Variants in CEP112 observed in about 807,000 individuals in gnomAD.
The protein encoded by CEP112 is centrosomal protein 112, also known as centrosomal protein of 112 kDa.
CEP112 carries 127 observed loss-of-function variants against 153.0 expected under a neutral mutation model. The ratio of observed to expected loss-of-function variants is 0.83; its 90% CI spans 0.72 to 0.96. The LOEUF is 0.96. Ranked by LOEUF, CEP112 falls within the 40% of genes least tolerant of loss-of-function variation. CEP112 has a pLI of 0.00. For missense variants in CEP112, 1,089 were observed against 1,101.2 expected (o/e 0.99, Z 0.16); for synonymous variants, 358 against 374.4 (o/e 0.96, Z 0.51).
rs2068449249 is a variant in CEP112, at chr17:66,098,832, AC to A, written c.643-2201del. 2.0e-5 allele frequency among the ~76,000 whole-genome samples: 3 copies of A among 152,248 alleles called. No homozygotes were observed. The South Asian group carries it at 6.2e-4, about 31-fold the overall frequency. On this transcript the variant is annotated intron_variant, in intron 6 of 26. Transcript: ENST00000535342. ...AAAGGGAATACAAATCCCTGGATTA[AC>A]ATGTAGGTGGCCAAATAAAGATACC... is the stretch of plus-strand genomic sequence containing the variant.
intron 24 of CEP112, among the ~76,000 whole-genome samples, chr17:65,651,774 CACTACAA>C (rs1262351530): frequency 6.6e-6 from 1 of 152,044 alleles, no homozygotes; most frequent in Non-Finnish European, 1.5e-5. Context: ...GGTCTCAGCT[CACTACAA>C]ACTCCACCTC....
chr17:65,967,860 T>C (rs2062470684), intron 17 of CEP112, among the ~76,000 whole-genome samples: 2 of 132,962 alleles, frequency 1.5e-5, no homozygotes, highest in Non-Finnish European at 3.2e-5. Context: ...ACTAACAAAA[T>C]ATTGAGAAAA....
chr17:66,038,845 A>G (rs925121302), intron 12 of CEP112, among the ~76,000 whole-genome samples: 1 of 152,202 alleles, frequency 6.6e-6, no homozygotes, highest in African/African-American at 2.4e-5. Flanking sequence ...ATTCTTAATC[A>G]TGGGAAAATT....
At chr17:65,882,562 T>C (rs182218442) in intron 20 of CEP112, among the ~76,000 whole-genome samples, 5 of 152,342 alleles carry the variant, frequency 3.3e-5, no homozygotes, top group African/African-American at 1.2e-4. Context: ...TAGTTCAATG[T>C]ATTGATTTGT....
chr17:66,085,975 G>A lies in CEP112; in HGVS notation c.768+10276C>T, dbSNP rs1414971972. Among the ~76,000 whole-genome samples the A allele has an allele frequency of 1.6e-4, 10 of 62,230 alleles. No homozygotes were observed. In the South Asian group the frequency reaches 7.7e-3, roughly 48 times the overall value. 40.8% of individuals were successfully genotyped at this position (62,230 alleles called of 152,430 possible). ...CTGGGTGACGACAGAGCGAGACTCC[G>A]TCTCAAAAAAAAAAAAAAAAAAGCA... is the stretch of plus-strand genomic sequence containing the variant. On this transcript the variant is annotated intron_variant, in intron 8 of 26. Coordinates refer to ENST00000535342, the MANE Select transcript of CEP112 (RefSeq NM_001199165.4).
chr17:65,793,784 T>C (rs185325291), intron 21 of CEP112, among the ~76,000 whole-genome samples: 4 of 152,302 alleles, frequency 2.6e-5, no homozygotes, highest in East Asian at 1.9e-4. Context: ...TACAGAAAAA[T>C]AGCATTTGTG....
intron 17 of CEP112, among the ~76,000 whole-genome samples, chr17:65,968,838 A>G (rs2062511963): frequency 6.8e-6 from 1 of 147,470 alleles, no homozygotes; most frequent in East Asian, 2.1e-4. Context: ...ATTTCTTTAA[A>G]TCTGTACATA....
chr17:66,151,346 T>C (rs574432615), intron 4 of CEP112, among the ~76,000 whole-genome samples: 59 of 152,036 alleles, frequency 3.9e-4, no homozygotes, highest in South Asian at 6.2e-4. Flanking sequence ...CTTCTAGCTA[T>C]ACCTAGCTAT....
At chr17:65,930,030 T>C (rs1469905457) in intron 18 of CEP112, among the ~76,000 whole-genome samples, 2 of 152,216 alleles carry the variant, frequency 1.3e-5, no homozygotes, top group Non-Finnish European at 1.5e-5. Context: ...CCCCTGCACA[T>C]TTGGGTATAA....
intron 20 of CEP112, among the ~76,000 whole-genome samples, chr17:65,887,162 G>A (rs908837933): frequency 6.6e-5 from 10 of 152,246 alleles, no homozygotes; most frequent in Middle Eastern, 3.4e-3. Context: ...AGGTGCAGGG[G>A]AGACAGAGTT....
At chr17:65,959,295 GAACA>G (rs2062111604) in intron 18 of CEP112, among the ~76,000 whole-genome samples, 1 of 152,170 alleles carries the variant, frequency 6.6e-6, no homozygotes, top group African/African-American at 2.4e-5. Flanking sequence ...GCTAGGAGCT[GAACA>G]CTCACTGGGA....
At chr17:66,086,295 C>A (rs58174340) in intron 8 of CEP112, among the ~76,000 whole-genome samples, 54,567 of 150,342 alleles carry the variant, frequency 0.36, 10,861 homozygotes, top group Non-Finnish European at 0.45. Context: ...TAACAAACTT[C>A]GAAACAGAAC....
chr17:65,769,912 T>A (rs574470387), intron 21 of CEP112, among the ~76,000 whole-genome samples: 1 of 152,154 alleles, frequency 6.6e-6, no homozygotes, highest in African/African-American at 2.4e-5. Flanking sequence ...GGGCAGAAAC[T>A]GGAAATTAAG....
chr17:65,909,172 G>A (rs1422789977), intron 19 of CEP112, among the ~76,000 whole-genome samples: 1 of 152,156 alleles, frequency 6.6e-6, no homozygotes, highest in Non-Finnish European at 1.5e-5. Flanking sequence ...ATAAATCATA[G>A]AAGGATGTAC....
chr17:65,638,277 G>A lies in CEP112; in HGVS notation c.2800-1089C>T, dbSNP rs1011233673. Among the ~76,000 whole-genome samples the A allele has an allele frequency of 2.4e-4, 36 of 152,338 alleles. 1 individual carries two copies. The highest frequency in any genetic ancestry group is 9.8e-4 in the Admixed American group (15 of 15,302). Reference sequence around the variant, plus strand: ...ACTGTTAAAGATGCCTGTATCAGGCGTGGATTCAAAAGCACCTTACACAAC... The same window carrying A: ...ACTGTTAAAGATGCCTGTATCAGGCATGGATTCAAAAGCACCTTACACAAC... On this transcript the variant is annotated intron_variant, in intron 25 of 26. Transcript: ENST00000535342.
At chr17:65,756,412 A>G (rs1475313744) in intron 21 of CEP112, among the ~76,000 whole-genome samples, 1 of 149,194 alleles carries the variant, frequency 6.7e-6, no homozygotes, top group African/African-American at 2.4e-5. Flanking sequence ...TCTCAAAAAA[A>G]AAAAAAAAAA....
Position 66,129,782 on chromosome 17 carries a change from A to C in CEP112, c.606T>G (p.Ser202Arg). The C allele has an allele frequency of 6.2e-7, 1 of 1,612,840 alleles. No homozygotes were observed. Among genetic ancestry groups the C allele is most frequent in the Non-Finnish European group, 8.5e-7 (1 of 1,179,440 alleles). Residue 202 changes from serine to arginine, a missense_variant, in exon 6 of 27, where the codon AGT becomes AGG. Ser to Arg is a moderately radical substitution (Grantham distance 110). Coordinates refer to ENST00000535342, the MANE Select transcript of CEP112 (RefSeq NM_001199165.4). ...SKKSPVSLDD[S>R]DIEARLNSWN... ...AACTATTAAGGCGAGCTTCAATGTC[A>C]CTATCATCCAAAGAAACAGGAGATT...
intron 17 of CEP112, among the ~76,000 whole-genome samples, chr17:65,961,953 C>T (rs1406247807): frequency 6.6e-6 from 1 of 152,166 alleles, no homozygotes; most frequent in East Asian, 1.9e-4. Context: ...CTGATACCTG[C>T]TACAACATGG....
At chr17:65,660,397 CCCTT>C (rs1433423465) in intron 24 of CEP112, among the ~76,000 whole-genome samples, 9 of 117,944 alleles carry the variant, frequency 7.6e-5, no homozygotes, top group African/African-American at 1.7e-4. Context: ...CTCCCTCCCT[CCCTT>C]CCTTTCTCCC....
Sources: allele counts gnomAD v4.1 joint callset (sites outside exome capture counted in the v4.1 genomes callset), GRCh38; gene constraint gnomAD v4.1.1; transcripts MANE v1.5; gene names NCBI Gene and HGNC (gene_info 2026-07-23, HGNC 2026-07-21).